MLLT3: variants seen among roughly 807,000 people sequenced by gnomAD.
The protein encoded by MLLT3 is MLLT3 super elongation complex subunit.
A neutral mutation model predicts 53.2 loss-of-function variants in MLLT3; 4 were observed. That is an observed-to-expected ratio of 0.08 (90% CI 0.04 to 0.17). MLLT3 has a LOEUF of 0.17. Among genes scored for constraint, MLLT3 ranks in the 10% least tolerant of loss-of-function variants. MLLT3 has a pLI of 1.00. For synonymous variants in MLLT3, 283 were observed against 230.6 expected (o/e 1.23, Z -2.06); for missense variants, 569 against 684.0 (o/e 0.83, Z 1.87).
chr9:20,521,458 A>ATGTG (rs34711683), intron 2 of MLLT3, among the ~76,000 whole-genome samples: 267 of 148,634 alleles, frequency 1.8e-3, no homozygotes, highest in Middle Eastern at 6.8e-3. Context: ...GTGTGTGTAT[A>ATGTG]TGTGTGTGTG....
chr9:20,612,340 C>T (rs898553184), intron 2 of MLLT3, among the ~76,000 whole-genome samples: 1 of 152,142 alleles, frequency 6.6e-6, no homozygotes, highest in Non-Finnish European at 1.5e-5. Context: ...GGGACCTCCT[C>T]TTACTCTTAT....
In MLLT3 at chr9:20,441,214, G is replaced by A. The variant is rs1223335324; in HGVS notation, c.420+6909C>T. ...GGTAGTTGGGAAGGAAGGAACAAAT[G>A]AAGACACGAAAGTTGTTTTATCACA... On this transcript the variant is annotated intron_variant, in intron 4 of 10. Coordinates refer to ENST00000380338, the MANE Select transcript of MLLT3 (RefSeq NM_004529.4). 2.6e-5 allele frequency among the ~76,000 whole-genome samples: 4 copies of A among 152,214 alleles called. No individual in the cohort carries two copies. In the East Asian group the frequency reaches 7.7e-4, roughly 29 times the overall value.
chr9:20,402,354 T>C (rs1332874350), intron 5 of MLLT3, among the ~76,000 whole-genome samples: 1 of 152,160 alleles, frequency 6.6e-6, no homozygotes, highest in East Asian at 1.9e-4. Flanking sequence ...GAAGGTGCCA[T>C]AGTCTAAAAA....
At chr9:20,378,255 G>C (rs151066804) in intron 5 of MLLT3, among the ~76,000 whole-genome samples, 3 of 152,008 alleles carry the variant, frequency 2.0e-5, no homozygotes, top group African/African-American at 7.2e-5. Context: ...GGTTTACAGG[G>C]AGAGATGAGT....
chr9:20,535,877 A>G (rs985089781), intron 2 of MLLT3, among the ~76,000 whole-genome samples: 3 of 152,218 alleles, frequency 2.0e-5, no homozygotes, highest in African/African-American at 7.2e-5. Context: ...TATCCAAACA[A>G]TGCATAAATT....
At chr9:20,412,960 A>C (rs1298158807) in intron 5 of MLLT3, among the ~76,000 whole-genome samples, 1 of 152,170 alleles carries the variant, frequency 6.6e-6, no homozygotes, top group East Asian at 1.9e-4. Context: ...TTAAACCCCA[A>C]TATCAAAAAA....
intron 3 of MLLT3, among the ~76,000 whole-genome samples, chr9:20,453,388 C>T (rs1355478722): frequency 6.6e-6 from 1 of 152,066 alleles, no homozygotes; most frequent in Non-Finnish European, 1.5e-5. Context: ...TGGTGAAACC[C>T]TGTCTCTACA....
intron 4 of MLLT3, 52 bp from the exon 5 acceptor site, chr9:20,414,477 G>C (rs778609958): frequency 6.3e-7 from 1 of 1,594,362 alleles, no homozygotes; most frequent in South Asian, 1.1e-5. Flanking sequence ...TAGCAATGAA[G>C]AGTCAAAAGA....
intron 2 of MLLT3, among the ~76,000 whole-genome samples, chr9:20,534,997 G>A (rs1236253726): frequency 6.6e-6 from 1 of 152,178 alleles, no homozygotes; most frequent in Non-Finnish European, 1.5e-5. Context: ...ACAAGAATGA[G>A]CAGATCAAAC....
intron 2 of MLLT3, among the ~76,000 whole-genome samples, chr9:20,493,662 T>C (rs1404450863): frequency 1.3e-5 from 2 of 151,926 alleles, no homozygotes; most frequent in Non-Finnish European, 2.9e-5. Context: ...CTTATAAATA[T>C]AATGAGACAT....
intron 5 of MLLT3, among the ~76,000 whole-genome samples, chr9:20,389,411 T>C (rs959535158): frequency 6.6e-6 from 1 of 152,134 alleles, no homozygotes; most frequent in Non-Finnish European, 1.5e-5. Context: ...GGGTATGGGT[T>C]TATTTTGGGG....
chr9:20,594,954 T>C (rs546848268), intron 2 of MLLT3, among the ~76,000 whole-genome samples: 9 of 152,156 alleles, frequency 5.9e-5, no homozygotes, highest in African/African-American at 1.9e-4. Flanking sequence ...GAAATAACCA[T>C]AAAAATGTCC....
intron 4 of MLLT3, among the ~76,000 whole-genome samples, chr9:20,441,125 T>C (rs1823539603): frequency 6.6e-6 from 1 of 152,170 alleles, no homozygotes; most frequent in Admixed American, 6.5e-5. Context: ...GTAATGGCGT[T>C]TGAGCTTTCA....
At chr9:20,458,120 A>C (rs1222896182) in intron 2 of MLLT3, among the ~76,000 whole-genome samples, 1 of 152,190 alleles carries the variant, frequency 6.6e-6, no homozygotes, top group African/African-American at 2.4e-5. Context: ...ATCCTCTGCA[A>C]GTTCAAATTC....
At chr9:20,468,740 C>T (rs1824296316) in intron 2 of MLLT3, among the ~76,000 whole-genome samples, 1 of 152,218 alleles carries the variant, frequency 6.6e-6, no homozygotes, top group Non-Finnish European at 1.5e-5. Context: ...GCTGCTTCCA[C>T]ATCTAAAATC....
intron 2 of MLLT3, among the ~76,000 whole-genome samples, chr9:20,491,752 T>C (rs1413341786): frequency 1.3e-5 from 2 of 152,134 alleles, no homozygotes; most frequent in African/African-American, 2.4e-5. Context: ...TAACCACATA[T>C]ACACCTGGAG....
At chr9:20,541,713 C>G (rs1410024422) in intron 2 of MLLT3, among the ~76,000 whole-genome samples, 1 of 152,220 alleles carries the variant, frequency 6.6e-6, no homozygotes. Flanking sequence ...CAAACCCTAT[C>G]AAGTAGCTTC....
At chr9:20,568,298 G>T (rs968372778) in intron 2 of MLLT3, among the ~76,000 whole-genome samples, 1 of 152,086 alleles carries the variant, frequency 6.6e-6, no homozygotes, top group East Asian at 1.9e-4. Context: ...AATACACAGA[G>T]AATTATACTA....
chr9:20,347,207 C>A (rs888620546), intron 10 of MLLT3, among the ~76,000 whole-genome samples: 4 of 152,058 alleles, frequency 2.6e-5, no homozygotes, highest in African/African-American at 9.6e-5. Context: ...GACTTGGGTG[C>A]TAGTTACATA....
Sources: gnomAD v4.1 joint callset for allele counts (sites outside exome capture counted in the v4.1 genomes callset) on GRCh38, gnomAD v4.1.1 for gene constraint, MANE v1.5 for transcripts, NCBI Gene and HGNC (gene_info 2026-07-23, HGNC 2026-07-21) for gene names.